ATP11B: variants seen among roughly 807,000 people sequenced by gnomAD.
ATP11B encodes phospholipid-transporting ATPase IF.
In ATP11B, 81 loss-of-function variants were observed where a neutral mutation model predicts 157.8. The observed-to-expected ratio is 0.51, with a 90% CI of 0.43 to 0.62. The LOEUF is 0.62. Among genes scored for constraint, ATP11B ranks in the 20% least tolerant of loss-of-function variants. The pLI is 0.00. For synonymous variants in ATP11B, 451 were observed against 469.4 expected (o/e 0.96, Z 0.51); for missense variants, 1,165 against 1,402.2 (o/e 0.83, Z 2.70).
intron 1 of ATP11B, among the ~76,000 whole-genome samples, chr3:182,809,965 A>G (rs1716550881): frequency 6.6e-6 from 1 of 152,230 alleles, no homozygotes. Flanking sequence ...GCAGATCAGC[A>G]GTAGAATTTT....
intron 10 of ATP11B, among the ~76,000 whole-genome samples, chr3:182,855,077 TTAGA>T (rs1373298488): frequency 1.3e-5 from 2 of 152,068 alleles, no homozygotes; most frequent in African/African-American, 2.4e-5. Context: ...ATTCTGAAAT[TTAGA>T]TAGAAAAGCA....
chr3:182,880,578 AGTC>A (rs1190230352), intron 20 of ATP11B, among the ~76,000 whole-genome samples: 1 of 152,150 alleles, frequency 6.6e-6, no homozygotes, highest in African/African-American at 2.4e-5. Flanking sequence ...TCAATTAAGT[AGTC>A]ATTTTTTACA....
At chr3:182,901,048 T>C (rs1483408562) in intron 28 of ATP11B, among the ~76,000 whole-genome samples, 1 of 152,082 alleles carries the variant, frequency 6.6e-6, no homozygotes, top group Non-Finnish European at 1.5e-5. Context: ...CCGGGCATGG[T>C]GGCAGGCACC....
Position 182,869,279 on chromosome 3 carries a change from G to A in ATP11B, c.1814G>A (p.Cys605Tyr), listed in dbSNP as rs778716428. The A allele has an allele frequency of 1.9e-6, 3 of 1,610,222 alleles. No homozygotes were observed. The highest frequency in any genetic ancestry group is 2.5e-6 in the Non-Finnish European group (3 of 1,178,412). Residue 605 changes from cysteine (C) to tyrosine (Y), a missense_variant, in exon 17 of 30, where the codon TGT (cysteine) becomes TAT (tyrosine). Cys to Tyr is a radical substitution (Grantham distance 194). Transcript: ENST00000323116. ...GCTGAGTCATCAATTCTCCCTAAATGTATAGGTGGAGAAATAGAAAAAACC... is the reference window on the plus strand; with the variant it reads ...GCTGAGTCATCAATTCTCCCTAAATATATAGGTGGAGAAATAGAAAAAACC... ...KGAESSILPK[C>Y]IGGEIEKTRI...
At chr3:182,803,201 C>G (rs1397789214) in intron 1 of ATP11B, among the ~76,000 whole-genome samples, 1 of 152,190 alleles carries the variant, frequency 6.6e-6, no homozygotes, top group East Asian at 1.9e-4. Context: ...TCTCCTTTCC[C>G]TACATCTTGC....
chr3:182,862,987 C>G (rs1720959331), intron 12 of ATP11B, among the ~76,000 whole-genome samples: 1 of 151,968 alleles, frequency 6.6e-6, no homozygotes, highest in South Asian at 2.1e-4. Flanking sequence ...GCAATCTCGG[C>G]TCACTGCAAG....
intron 1 of ATP11B, among the ~76,000 whole-genome samples, chr3:182,809,802 T>C (rs1716541966): frequency 6.6e-6 from 1 of 152,218 alleles, no homozygotes; most frequent in African/African-American, 2.4e-5. Flanking sequence ...CAATTCCATA[T>C]GGGCAGGGAC....
intron 7 of ATP11B, among the ~76,000 whole-genome samples, chr3:182,839,325 G>T (rs1718812244): frequency 6.6e-6 from 1 of 151,974 alleles, no homozygotes; most frequent in Non-Finnish European, 1.5e-5. Flanking sequence ...ATAACTGTTG[G>T]GTACTAGACT....
In ATP11B at chr3:182,869,163, A is replaced by G. The variant is rs1274791499; in HGVS notation, c.1762+12A>G. On this transcript the variant is annotated intron_variant, in intron 16 of 29. Transcript: ENST00000323116. ...TCAGGCACCTTCAGGTAACCAATCT[A>G]AACTTTCATGAATTTTTATTTATGT... 3 of 1,605,232 alleles carry G rather than the reference A, an allele frequency of 1.9e-6. No homozygotes were observed. The highest frequency in any genetic ancestry group is 2.6e-6 in the Non-Finnish European group (3 of 1,175,344).
intron 1 of ATP11B, among the ~76,000 whole-genome samples, chr3:182,800,785 AT>A (rs34173579): frequency 1.1e-3 from 145 of 135,106 alleles, no homozygotes; most frequent in African/African-American, 2.6e-3. Context: ...AATTCTTTTG[AT>A]TTTTTTTTTT....
rs769295745 is a variant in ATP11B at position 182,837,071 on chromosome 3, A to T, written c.553A>T (p.Thr185Ser). 6.2e-7 allele frequency: 1 copy of T among 1,609,120 alleles called. No individual in the cohort carries two copies. The highest frequency in any genetic ancestry group is 8.5e-7 in the Non-Finnish European group (1 of 1,177,288). ...ASLDGETNLK[T>S]HVAVPETALL... The stretch of plus-strand genomic sequence containing the variant: ...CTACAGTTTAATTCATTTTTTTCAG[A>T]CACATGTGGCAGTTCCAGAAACAGC... Residue 185 changes from threonine (T) to serine (S), a missense_variant and splice_region_variant, in exon 7 of 30, where the codon ACA (threonine) becomes TCA (serine). Physicochemically the swap from Thr to Ser is moderately conservative, Grantham distance 58. Around this residue, in one of 4 missense-constraint regions of ATP11B, gnomAD observed 737 missense variants for 930.5 expected, o/e 0.79. Transcript: ENST00000323116.
chr3:182,885,980 A>AT lies in ATP11B; in HGVS notation c.2686dup (p.Tyr896LeufsTer14). ...TGTGCTTTATCACACCCCAGTTTTT[A>AT]TATCAGTTCTACTGTTTGTTTTCTC... On this transcript the variant is annotated frameshift_variant, in exon 23 of 30. Transcript: ENST00000323116. LOFTEE classifies it high-confidence loss of function. The AT allele has an allele frequency of 6.7e-7, 1 of 1,502,172 alleles. No homozygotes were observed. Among genetic ancestry groups the AT allele is most frequent in the Non-Finnish European group, 8.8e-7 (1 of 1,136,584 alleles). 93.1% of individuals were successfully genotyped at this position (1,502,172 alleles called of 1,614,324 possible). A position where few individuals can be genotyped will look rare whatever the true frequency, so the allele number is the denominator to read the frequency against.
At chr3:182,914,800 A>G (rs1167434480) in intron 29 of ATP11B, 15 of 985,272 alleles carry the variant, frequency 1.5e-5, no homozygotes, top group Non-Finnish European at 1.7e-5. Context: ...CAAGAGTTAT[A>G]TCACTATTTA....
intron 14 of ATP11B, 49 bp downstream of exon 14, chr3:182,866,492 A>G: frequency 7.1e-7 from 1 of 1,410,086 alleles, no homozygotes; most frequent in Non-Finnish European, 9.5e-7. Context: ...ATTTAAATAA[A>G]TGTAACAATA....
At chr3:182,889,626 T>C (rs1219628827) in intron 25 of ATP11B, 78 bp downstream of exon 25, 2 of 1,226,352 alleles carry the variant, frequency 1.6e-6, no homozygotes, top group East Asian at 2.8e-5. Context: ...AAAGTAAAAT[T>C]TAATTTAAAT....
chr3:182,859,619 T>G (rs781222518), intron 12 of ATP11B, among the ~76,000 whole-genome samples: 2 of 152,176 alleles, frequency 1.3e-5, no homozygotes, highest in Non-Finnish European at 2.9e-5. Flanking sequence ...ACTCTTACAC[T>G]ACTCTTCCCA....
intron 28 of ATP11B, among the ~76,000 whole-genome samples, chr3:182,899,764 A>G (rs1223911990): frequency 6.6e-6 from 1 of 152,176 alleles, no homozygotes; most frequent in Non-Finnish European, 1.5e-5. Context: ...GATTAAATGA[A>G]ATAATTTCCA....
rs555218165 is a variant in ATP11B, at chr3:182,883,703, C to T, written c.2510-1050C>T. ...GGGCGCGGTGGCTCACGCCTGTAATCCCAGCACTTTGGGAGGCCGAGGCGG... is the reference window on the plus strand; with the variant it reads ...GGGCGCGGTGGCTCACGCCTGTAATTCCAGCACTTTGGGAGGCCGAGGCGG... On this transcript the variant is annotated intron_variant, in intron 21 of 29. Coordinates refer to ENST00000323116, the MANE Select transcript of ATP11B (RefSeq NM_014616.3). Among the ~76,000 whole-genome samples, 476 of 151,412 alleles carry T rather than the reference C, an allele frequency of 3.1e-3. 4 individuals are homozygous for T. The highest frequency in any genetic ancestry group is 0.011 in the African/African-American group (458 of 41,340).
chr3:182,842,162 G>A, intron 8 of ATP11B, 40 bp downstream of exon 8: 1 of 1,435,466 alleles, frequency 7.0e-7, no homozygotes, highest in Non-Finnish European at 9.8e-7. Context: ...CTTTAAATGG[G>A]AACTGTTTGG....
Sources: allele counts gnomAD v4.1 joint callset (sites outside exome capture counted in the v4.1 genomes callset), GRCh38; gene constraint gnomAD v4.1.1; regional missense constraint gnomAD v4.1.1; transcripts MANE v1.5; gene names NCBI Gene and HGNC (gene_info 2026-07-23, HGNC 2026-07-21).